Variants in ESCO1 observed in about 807,000 individuals in gnomAD.
ESCO1 encodes the protein N-acetyltransferase ESCO1.
Under a neutral mutation model 83.5 loss-of-function variants are expected in ESCO1, and 33 were observed. The ratio of observed to expected loss-of-function variants is 0.40; its 90% CI spans 0.30 to 0.53. ESCO1 has a LOEUF of 0.53. Among genes scored for constraint, ESCO1 ranks in the 20% least tolerant of loss-of-function variants. The pLI, the probability that ESCO1 is intolerant of heterozygous loss-of-function variation, is 0.63. For missense variants in ESCO1, 855 were observed against 968.0 expected, an observed-to-expected ratio of 0.88 and a Z score of 1.55; for synonymous variants, 332 against 324.3, an observed-to-expected ratio of 1.02 and a Z score of -0.25.
intron 1 of ESCO1, among the ~76,000 whole-genome samples, chr18:21,599,674 C>G (rs146351369): frequency 1.3e-5 from 2 of 152,252 alleles, no homozygotes; most frequent in Non-Finnish European, 2.9e-5. Context: ...GTTCATAGTA[C>G]TTCTCAAATC....
intron 8 of ESCO1, 136 bp from the exon 9 acceptor site, chr18:21,540,145 T>G: frequency 1.3e-6 from 1 of 756,752 alleles, no homozygotes; most frequent in South Asian, 2.3e-5. Context: ...TATATGCTCA[T>G]TAATGCTTAA....
At chr18:21,584,736 C>T (rs2038550243) in intron 1 of ESCO1, among the ~76,000 whole-genome samples, 1 of 152,030 alleles carries the variant, frequency 6.6e-6, no homozygotes, top group Non-Finnish European at 1.5e-5. Flanking sequence ...GGCGTATCAC[C>T]TGAGCCCAAG....
intron 9 of ESCO1, among the ~76,000 whole-genome samples, chr18:21,537,795 C>T (rs927543979): frequency 6.6e-6 from 1 of 152,066 alleles, no homozygotes; most frequent in Non-Finnish European, 1.5e-5. Context: ...AGCAAAAGTT[C>T]CCATGTGCAT....
intron 4 of ESCO1, among the ~76,000 whole-genome samples, chr18:21,571,843 TA>T (rs1209492472): frequency 6.6e-6 from 1 of 152,246 alleles, no homozygotes; most frequent in African/African-American, 2.4e-5. Context: ...CACTGACTGG[TA>T]AAATCTCTCT....
chr18:21,535,037 T>C (rs777384955), intron 10 of ESCO1, among the ~76,000 whole-genome samples: 11 of 152,112 alleles, frequency 7.2e-5, no homozygotes, highest in Non-Finnish European at 1.3e-4. Context: ...GCCATAAATA[T>C]GTAAGCCAAA....
chr18:21,558,726 C>CAA lies in ESCO1; in HGVS notation c.1953+2131_1953+2132dup, dbSNP rs59435992. 3.1e-3 allele frequency among the ~76,000 whole-genome samples: 271 copies of CAA among 87,654 alleles called. 1 individual carries two copies. The highest frequency in any genetic ancestry group is 1.0e-2 in the African/African-American group (213 of 21,322). The allele number at this position is 87,654 out of a possible 152,430, so 57.5% of individuals were successfully genotyped here. On this transcript the variant is annotated intron_variant, in intron 8 of 11. Coordinates refer to ENST00000269214, the MANE Select transcript of ESCO1 (RefSeq NM_052911.3). ...TGGGTGACACAGCAAGACTCTGCCTCAAAAAAAAAAAAAAAAAAAAAACTT... is the reference window on the plus strand; with the variant it reads ...TGGGTGACACAGCAAGACTCTGCCTCAAAAAAAAAAAAAAAAAAAAAAAACTT...
intron 1 of ESCO1, among the ~76,000 whole-genome samples, chr18:21,586,959 CATTTT>C (rs2038590397): frequency 6.6e-6 from 1 of 152,148 alleles, no homozygotes; most frequent in South Asian, 2.1e-4. Flanking sequence ...AAGGATATTT[CATTTT>C]GTCAGATTTT....
chr18:21,585,540 CT>C (rs2038563256), intron 1 of ESCO1, among the ~76,000 whole-genome samples: 1 of 152,144 alleles, frequency 6.6e-6, no homozygotes, highest in Admixed American at 6.6e-5. Context: ...TCTTTATGAT[CT>C]TATACCAGGA....
intron 4 of ESCO1, 86 bp downstream of exon 4, chr18:21,573,228 C>T (rs1163647690): frequency 7.6e-7 from 1 of 1,318,748 alleles, no homozygotes; most frequent in Non-Finnish European, 1.0e-6. Flanking sequence ...TCTTTTATGA[C>T]TTCATTCTTA....
chr18:21,566,718 G>A (rs1193819789), intron 5 of ESCO1, among the ~76,000 whole-genome samples: 1 of 152,006 alleles, frequency 6.6e-6, no homozygotes, highest in African/African-American at 2.4e-5. Context: ...AAATAAGCCG[G>A]GTGTGGTGAT....
chr18:21,564,354 A>G (rs2038230311), intron 6 of ESCO1, 37 bp from the exon 7 acceptor site: 1 of 1,312,190 alleles, frequency 7.6e-7, no homozygotes, highest in South Asian at 1.3e-5. Flanking sequence ...TTACAGATCC[A>G]AGTCATTTCA....
chr18:21,541,636 TAG>T (rs1366130096), intron 8 of ESCO1, among the ~76,000 whole-genome samples: 2 of 149,604 alleles, frequency 1.3e-5, no homozygotes, highest in East Asian at 3.9e-4. Flanking sequence ...CTGAATCATA[TAG>T]AGATCTGAAT....
chr18:21,533,295 G>GC (rs1555667646), intron 10 of ESCO1, among the ~76,000 whole-genome samples: 1 of 151,790 alleles, frequency 6.6e-6, no homozygotes, highest in Non-Finnish European at 1.5e-5. Flanking sequence ...ACAATTGGTT[G>GC]TTTTTTTTGT....
rs1208660646 is a variant in ESCO1 at position 21,561,001 on chromosome 18, A to G, written c.1822-11T>C. On this transcript the variant is annotated splice_polypyrimidine_tract_variant and intron_variant, in intron 7 of 11. Coordinates refer to ENST00000269214, the MANE Select transcript of ESCO1 (RefSeq NM_052911.3). Reference sequence around the variant, plus strand: ...TTTTTGTCCTGCATCCTATTTACAAAAAACACACAAAAGTTTTTTTCCTCC... The same window carrying G: ...TTTTTGTCCTGCATCCTATTTACAAGAAACACACAAAAGTTTTTTTCCTCC... 3.2e-6 allele frequency: 5 copies of G among 1,574,042 alleles called. No homozygotes were observed. The highest frequency in any genetic ancestry group is 4.3e-6 in the Non-Finnish European group (5 of 1,164,392).
rs113884540 is a variant in ESCO1, at chr18:21,569,027, C to A, written c.1531-933G>T. Among the ~76,000 whole-genome samples, 22 of 152,308 alleles carry A rather than the reference C, an allele frequency of 1.4e-4. 1 individual carries two copies. The highest frequency in any genetic ancestry group is 4.8e-4 in the African/African-American group (20 of 41,580). ...CATATGTGGCTCACTTATATTCCTA[C>A]TGGATAGTGCTGATCCAGAATACCT... On this transcript the variant is annotated intron_variant, in intron 4 of 11. Transcript: ENST00000269214.
chr18:21,591,253 T>G (rs1451618154), intron 1 of ESCO1, among the ~76,000 whole-genome samples: 2 of 152,100 alleles, frequency 1.3e-5, no homozygotes, highest in East Asian at 3.8e-4. Context: ...GAGAAAATAA[T>G]ATGAAAATGA....
At chr18:21,567,245 C>G (rs1328669037) in intron 5 of ESCO1, among the ~76,000 whole-genome samples, 1 of 152,116 alleles carries the variant, frequency 6.6e-6, no homozygotes, top group African/African-American at 2.4e-5. Context: ...TCATCTCTGC[C>G]TCCCAGGTTC....
In ESCO1 at chr18:21,573,689, G is replaced by T; in HGVS notation, c.1155C>A (p.Ala385=). The T allele has an allele frequency of 6.2e-7, 1 of 1,614,066 alleles. No individual in the cohort carries two copies. The highest frequency in any genetic ancestry group is 1.7e-5 in the Admixed American group (1 of 60,010). The change falls in exon 4 of 12, where the codon GCC becomes GCA. Residue 385 remains alanine (A), a synonymous_variant. Transcript: ENST00000269214. ...TTTTAGTCCAGTTGGAGTTCTTCTT[G>T]GCTGAGCTGTTTATTCCATTTAGTA... The part of the protein sequence containing the change: ...KCILNGINSS[A]KKNSNWTKIK...
At chr18:21,551,711 C>T (rs1332573008) in intron 8 of ESCO1, among the ~76,000 whole-genome samples, 1 of 152,188 alleles carries the variant, frequency 6.6e-6, no homozygotes, top group Non-Finnish European at 1.5e-5. Flanking sequence ...CCAATTCTCT[C>T]CCATGGGACA....
Sources: gnomAD v4.1 joint callset for allele counts (sites outside exome capture counted in the v4.1 genomes callset) on GRCh38, gnomAD v4.1.1 for gene constraint, MANE v1.5 for transcripts, NCBI Gene and HGNC (gene_info 2026-07-23, HGNC 2026-07-21) for gene names.